WDPCP: variants seen among roughly 807,000 people sequenced by gnomAD.
WDPCP encodes the protein WD repeat-containing and planar cell polarity effector protein fritz homolog.
WDPCP carries 71 observed loss-of-function variants against 93.1 expected under a neutral mutation model. That is an observed-to-expected ratio of 0.76 (90% CI 0.63 to 0.93). The LOEUF (loss-of-function observed/expected upper bound fraction) is 0.93. Among genes scored for constraint, WDPCP ranks in the 40% least tolerant of loss-of-function variants. WDPCP has a pLI of 0.00. For synonymous variants in WDPCP, 315 were observed against 315.0 expected (o/e 1.00, Z 0.00); for missense variants, 844 against 887.4 (o/e 0.95, Z 0.62).
chr2:63,577,205 T>A (rs889579538), intron 1 of WDPCP, among the ~76,000 whole-genome samples: 1 of 152,186 alleles, frequency 6.6e-6, no homozygotes, highest in Non-Finnish European at 1.5e-5. Flanking sequence ...TCTAGAGTAA[T>A]CTTGCCTTAT....
At chr2:63,482,154 T>C (rs1424348123) in intron 6 of WDPCP, among the ~76,000 whole-genome samples, 1 of 152,066 alleles carries the variant, frequency 6.6e-6, no homozygotes, top group Non-Finnish European at 1.5e-5. Flanking sequence ...AAATCTTATG[T>C]TGCTGTGGTT....
chr2:63,521,149 C>A (rs1380831831), intron 1 of WDPCP, among the ~76,000 whole-genome samples: 1 of 152,136 alleles, frequency 6.6e-6, no homozygotes. Flanking sequence ...GGCAACCACA[C>A]CAACAAATCT....
chr2:63,610,339 CCTGGTAATGTTTCCTGAACAACAA>C, intron 3 of WDPCP, among the ~76,000 whole-genome samples: 1 of 152,144 alleles, frequency 6.6e-6, no homozygotes, highest in South Asian at 2.1e-4. Context: ...AGATCATGAC[CCTGGTAATGTTTCCTGAACAACAA>C]GTGGATAGCC....
In WDPCP at chr2:63,249,101, G is replaced by GGT. The variant is rs1379587773; in HGVS notation, c.1915+10204_1915+10205dup. Among the ~76,000 whole-genome samples the GGT allele has an allele frequency of 5.3e-5, 8 of 151,494 alleles. No homozygotes were observed. In the South Asian group the frequency reaches 6.2e-4, roughly 12 times the overall value. Reference sequence around the variant, plus strand: ...TCCTGTTTCTTTGTATGCCTTGTGGGGTGTGTGTGTGTGAAACTGGGCATT... The same window carrying GGT: ...TCCTGTTTCTTTGTATGCCTTGTGGGGTGTGTGTGTGTGTGAAACTGGGCATT... On this transcript the variant is annotated intron_variant, in intron 14 of 17. Transcript: ENST00000272321.
At chr2:63,220,344 A>G (rs1485384326) in intron 14 of WDPCP, among the ~76,000 whole-genome samples, 1 of 152,180 alleles carries the variant, frequency 6.6e-6, no homozygotes, top group African/African-American at 2.4e-5. Context: ...GAAGGGGGCT[A>G]AATCTGACTG....
chr2:63,464,383 T>A (rs887798105), intron 6 of WDPCP, among the ~76,000 whole-genome samples: 1 of 151,996 alleles, frequency 6.6e-6, no homozygotes, highest in Admixed American at 6.6e-5. Context: ...TCAGAAAAGA[T>A]CTAGTGTTAG....
chr2:63,618,814 T>A (rs111838743), intron 3 of WDPCP, among the ~76,000 whole-genome samples: 48 of 152,032 alleles, frequency 3.2e-4, no homozygotes, highest in African/African-American at 1.0e-3. Flanking sequence ...CCTCAGCTCC[T>A]GAGCAGCTGG....
rs1700981081 is a variant in WDPCP at position 63,492,874 on chromosome 2, T to C, written c.142A>G (p.Asn48Asp). The C allele has an allele frequency of 6.2e-7, 1 of 1,613,668 alleles. No individual in the cohort carries two copies. Among genetic ancestry groups the C allele is most frequent in the Non-Finnish European group, 8.5e-7 (1 of 1,179,846 alleles). Residue 48 changes from asparagine to aspartate, a missense_variant, in exon 2 of 18, where the codon AAT (asparagine) becomes GAT (aspartate). By Grantham distance (23) the Asn-to-Asp change is conservative. Coordinates refer to ENST00000272321, the MANE Select transcript of WDPCP (RefSeq NM_015910.7). The part of the protein sequence containing the change: ...LTELHLWSLK[N>D]TLHIADRDIG... ...CATTTACCCGCAATGTGTAAGGTAT[T>C]CTTCAAAGACCACAGGTGCAGTTCA...
intron 13 of WDPCP, among the ~76,000 whole-genome samples, chr2:63,309,220 G>A (rs1685982735): frequency 6.6e-6 from 1 of 152,140 alleles, no homozygotes; most frequent in Non-Finnish European, 1.5e-5. Context: ...GTATCCATGT[G>A]ACAAACCTGT....
chr2:63,467,192 T>C (rs1699393245), intron 6 of WDPCP, among the ~76,000 whole-genome samples: 1 of 152,130 alleles, frequency 6.6e-6, no homozygotes, highest in Admixed American at 6.6e-5. Context: ...AATAAAAATT[T>C]TGTCCAAGGT....
At chr2:63,228,779 T>C (rs1411420327) in intron 14 of WDPCP, 1 of 152,168 alleles carries the variant, frequency 6.6e-6, no homozygotes, top group Non-Finnish European at 1.5e-5. Context: ...TTTTTATGGC[T>C]GCATAGTATT....
chr2:63,647,774 G>A lies in WDPCP; in HGVS notation n.488+2885C>T, dbSNP rs1710068141. ...GGGTAAAACTGGGTAAAGGATACAA[G>A]ACCCTCTCTGTATTATCATTTTTTT... is the stretch of plus-strand genomic sequence containing the variant. On this transcript the variant is annotated intron_variant and non_coding_transcript_variant, in intron 3 of 4. Coordinates refer to the WDPCP transcript ENST00000467687. 2.6e-5 allele frequency among the ~76,000 whole-genome samples: 4 copies of A among 152,050 alleles called. No homozygotes were observed. In the South Asian group the frequency reaches 8.3e-4, roughly 32 times the overall value.
chr2:63,123,175 G>A (rs1187915635), intron 17 of WDPCP, among the ~76,000 whole-genome samples: 4 of 151,970 alleles, frequency 2.6e-5, no homozygotes, highest in Non-Finnish European at 5.9e-5. Flanking sequence ...AGAAAACTAA[G>A]CACTGTCATT....
chr2:63,185,096 G>A (rs771451890), intron 14 of WDPCP, among the ~76,000 whole-genome samples: 5 of 152,192 alleles, frequency 3.3e-5, no homozygotes, highest in East Asian at 1.9e-4. Context: ...GAAGTTCTCC[G>A]TGATAAATTT....
At position 63,780,182 on chromosome 2, in the gene WDPCP, T is replaced by C. The variant is rs528790215; in HGVS notation, n.308+33440A>G. 4.6e-5 allele frequency among the ~76,000 whole-genome samples: 7 copies of C among 152,336 alleles called. No homozygotes were observed. In the East Asian group the frequency reaches 1.3e-3, roughly 29 times the overall value. Reference sequence around the variant, plus strand: ...ACTCACATTTTCAGCTATGCACAGCTGTTTATTTCCATCTTGCAGAAGTCA... The same window carrying C: ...ACTCACATTTTCAGCTATGCACAGCCGTTTATTTCCATCTTGCAGAAGTCA... On this transcript the variant is annotated intron_variant and non_coding_transcript_variant, in intron 2 of 4. Transcript: ENST00000467687.
chr2:63,740,628 C>T (rs1669699422), intron 2 of WDPCP, among the ~76,000 whole-genome samples: 2 of 152,112 alleles, frequency 1.3e-5, no homozygotes, highest in South Asian at 2.1e-4. Flanking sequence ...TGATTATTCT[C>T]TGTGTTTGCA....
intron 3 of WDPCP, among the ~76,000 whole-genome samples, chr2:63,649,323 GTTTC>G (rs966981514): frequency 2.0e-5 from 3 of 152,152 alleles, no homozygotes; most frequent in African/African-American, 7.2e-5. Context: ...TTTGTGTCTG[GTTTC>G]TTTCACTTAG....
chr2:63,171,837 A>C (rs576582292), intron 15 of WDPCP, among the ~76,000 whole-genome samples: 8 of 152,348 alleles, frequency 5.3e-5, no homozygotes, highest in African/African-American at 1.7e-4. Flanking sequence ...ACATCCATGT[A>C]ATAGAATACT....
rs186674244 is a variant in WDPCP, at chr2:63,804,592, C to T, written n.308+9030G>A. ...TTATCCTAACTCTATGTGTCCTTCT[C>T]CTTGCTGCAAGGTGGCCAGATCCCA... On this transcript the variant is annotated intron_variant and non_coding_transcript_variant, in intron 2 of 4. Transcript: ENST00000467687. Among the ~76,000 whole-genome samples the T allele has an allele frequency of 2.7e-3, 404 of 151,382 alleles. 7 individuals carry two copies. The highest frequency in any genetic ancestry group is 0.015 in the Admixed American group (222 of 15,186).
Sources: allele counts gnomAD v4.1 joint callset (sites outside exome capture counted in the v4.1 genomes callset), GRCh38; gene constraint gnomAD v4.1.1; transcripts MANE v1.5; gene names NCBI Gene and HGNC (gene_info 2026-07-23, HGNC 2026-07-21).